The following DYDC1 variants were observed in gnomAD, a reference collection of about 807,000 sequenced individuals.
DYDC1 encodes the protein DPY30 domain-containing protein 1.
DYDC1 carries 21 observed loss-of-function variants against 27.9 expected under a neutral mutation model. The ratio of observed to expected loss-of-function variants is 0.75; its 90% CI spans 0.53 to 1.08. DYDC1 has a LOEUF of 1.08. Ranked by LOEUF, DYDC1 falls within the 50% of genes least tolerant of loss-of-function variation. The pLI is 0.00. For synonymous variants in DYDC1, 67 were observed against 65.8 expected (o/e 1.02, Z -0.09); for missense variants, 202 against 205.9 (o/e 0.98, Z 0.12).
chr10:80,338,013 C>A (rs1842189604), intron 6 of DYDC1: 1 of 924,590 alleles, frequency 1.1e-6, no homozygotes, highest in African/African-American at 1.8e-5. Flanking sequence ...AGCCATCTGC[C>A]TTATTCACCA....
chr10:80,337,388 T>A (rs1247032157), intron 6 of DYDC1: 18 of 985,364 alleles, frequency 1.8e-5, no homozygotes, highest in Non-Finnish European at 2.2e-5. Context: ...AGCTCCATTT[T>A]CTGAACAGCT....
chr10:80,339,731 A>G (rs1842257057), intron 4 of DYDC1, among the ~76,000 whole-genome samples: 1 of 152,216 alleles, frequency 6.6e-6, no homozygotes, highest in Non-Finnish European at 1.5e-5. Context: ...TTCATTCTAA[A>G]GCAGCAGGGT....
chr10:80,342,169 A>T (rs935079529), intron 4 of DYDC1, 100 bp downstream of exon 4: 6 of 1,160,292 alleles, frequency 5.2e-6, no homozygotes, highest in Non-Finnish European at 7.5e-6. Context: ...ATGTCTTCAG[A>T]CTACAAATCC....
chr10:80,355,432 C>A (rs1337649696), intron 1 of DYDC1, among the ~76,000 whole-genome samples: 3 of 152,074 alleles, frequency 2.0e-5, no homozygotes, highest in Non-Finnish European at 2.9e-5. Flanking sequence ...TTGACAACAT[C>A]TAGAAAATCA....
intron 3 of DYDC1, among the ~76,000 whole-genome samples, 194 bp downstream of exon 3, chr10:80,351,707 A>C (rs952460957): frequency 6.6e-6 from 1 of 152,228 alleles, no homozygotes; most frequent in Non-Finnish European, 1.5e-5. Context: ...ATATGTGTAT[A>C]CAAGAATGCA....
chr10:80,355,209 G>C (rs1436138118), intron 1 of DYDC1, among the ~76,000 whole-genome samples: 1 of 151,954 alleles, frequency 6.6e-6, no homozygotes, highest in African/African-American at 2.4e-5. Context: ...GAATGCCACT[G>C]TGTCTAAACT....
intron 3 of DYDC1, among the ~76,000 whole-genome samples, chr10:80,346,701 C>CT (rs1251768447): frequency 6.6e-6 from 1 of 151,284 alleles, no homozygotes; most frequent in Non-Finnish European, 1.5e-5. Context: ...ACTTTGTGAT[C>CT]TGCCCGCCTC....
At chr10:80,336,661 T>C (rs1002639345) in intron 6 of DYDC1, among the ~76,000 whole-genome samples, 2 of 152,250 alleles carry the variant, frequency 1.3e-5, no homozygotes, top group Non-Finnish European at 2.9e-5. Flanking sequence ...AGTCAACATC[T>C]CTGCAACTGA....
At chr10:80,355,251 A>G (rs1026016476) in intron 1 of DYDC1, among the ~76,000 whole-genome samples, 2 of 151,862 alleles carry the variant, frequency 1.3e-5, no homozygotes, top group Non-Finnish European at 2.9e-5. Flanking sequence ...AGCATTTTGC[A>G]TAAAATTTCA....
At chr10:80,340,161 G>A (rs1307484852) in intron 4 of DYDC1, among the ~76,000 whole-genome samples, 1 of 152,210 alleles carries the variant, frequency 6.6e-6, no homozygotes, top group Non-Finnish European at 1.5e-5. Flanking sequence ...CAGCAGAGGG[G>A]AGAGCCCTGG....
chr10:80,354,939 A>G (rs763428424), intron 1 of DYDC1, among the ~76,000 whole-genome samples: 1 of 152,170 alleles, frequency 6.6e-6, no homozygotes, highest in Non-Finnish European at 1.5e-5. Flanking sequence ...CATGGAGCTT[A>G]TAGATGAGAA....
intron 3 of DYDC1, among the ~76,000 whole-genome samples, chr10:80,350,878 T>C (rs1019539444): frequency 6.6e-6 from 1 of 152,084 alleles, no homozygotes; most frequent in Non-Finnish European, 1.5e-5. Flanking sequence ...CCTTCAACAA[T>C]TCCCTTACCA....
chr10:80,338,417 C>A lies in DYDC1; in HGVS notation c.504+50G>T, dbSNP rs750849470. 6 of 1,603,310 alleles carry A rather than the reference C, an allele frequency of 3.7e-6. No individual in the cohort carries two copies. The South Asian group carries it at 6.7e-5, about 18-fold the overall frequency. On this transcript the variant is annotated intron_variant, in intron 6 of 6. Coordinates refer to ENST00000372202, the MANE Select transcript of DYDC1 (RefSeq NM_001269053.2). ...TAGGCTTTACCTAAGTAAAAAAAAT[C>A]AAAAACAAAAACAAAAACGAGTTTT...
intron 3 of DYDC1, among the ~76,000 whole-genome samples, chr10:80,344,107 C>A (rs10788576): frequency 0.76 from 114,852 of 152,058 alleles, 44,436 homozygotes; most frequent in East Asian, 0.97. Context: ...CAGAGCGAGA[C>A]TCTGTCTTAA....
intron 3 of DYDC1, among the ~76,000 whole-genome samples, chr10:80,350,559 G>A (rs2132823707): frequency 6.6e-6 from 1 of 152,300 alleles, no homozygotes; most frequent in Non-Finnish European, 1.5e-5. Flanking sequence ...AGACTCAGAA[G>A]GAGTAGAGTT....
intron 2 of DYDC1, 159 bp downstream of exon 2, chr10:80,352,296 G>A (rs1843042616): frequency 5.4e-6 from 6 of 1,102,620 alleles, no homozygotes; most frequent in East Asian, 2.8e-5. Context: ...GTCTTCTTTG[G>A]GTAATGTTTT....
intron 3 of DYDC1, chr10:80,344,827 T>A (rs1301367641): frequency 8.9e-6 from 2 of 225,214 alleles, no homozygotes; most frequent in Non-Finnish European, 1.8e-5. Flanking sequence ...TAAGTCCAAT[T>A]AAACCTCTTT....
At chr10:80,342,243 C>T (rs1400203000) in intron 4 of DYDC1, 26 bp downstream of exon 4, 2 of 1,604,032 alleles carry the variant, frequency 1.2e-6, no homozygotes, top group South Asian at 2.2e-5. Context: ...TTAAATAAAA[C>T]TGACATTTAT....
At chr10:80,344,179 G>T (rs1365524960) in intron 3 of DYDC1, among the ~76,000 whole-genome samples, 1 of 152,120 alleles carries the variant, frequency 6.6e-6, no homozygotes, top group Non-Finnish European at 1.5e-5. Context: ...AATTAAAAAT[G>T]AAAATAAGTC....
Sources: allele counts gnomAD v4.1 joint callset (sites outside exome capture counted in the v4.1 genomes callset), GRCh38; gene constraint gnomAD v4.1.1; transcripts MANE v1.5; gene names NCBI Gene and HGNC (gene_info 2026-07-23, HGNC 2026-07-21).